EVA1A: variants seen among roughly 807,000 people sequenced by gnomAD.
EVA1A encodes protein eva-1 homolog A.
EVA1A carries 7 observed loss-of-function variants against 9.8 expected under a neutral mutation model. That is an observed-to-expected ratio of 0.71 (90% confidence interval 0.41 to 1.34). The LOEUF is 1.34. EVA1A is among the 40% of genes most tolerant of loss of function. EVA1A has a pLI of 0.01. For missense variants in EVA1A, 206 were observed against 205.9 expected (o/e 1.00, Z 0.00); for synonymous variants, 90 against 85.6 (o/e 1.05, Z -0.28).
At chr2:75,539,700 T>TA (rs1279471747) in intron 1 of EVA1A, among the ~76,000 whole-genome samples, 3 of 152,184 alleles carry the variant, frequency 2.0e-5, no homozygotes, top group Non-Finnish European at 2.9e-5. Flanking sequence ...CTTGCATACT[T>TA]ACTAAGGATC....
intron 3 of EVA1A, among the ~76,000 whole-genome samples, chr2:75,514,646 T>C (rs965345730): frequency 7.9e-5 from 12 of 152,140 alleles, no homozygotes; most frequent in Admixed American, 6.6e-4. Context: ...GATTATAATA[T>C]ATATGGTGTG....
chr2:75,541,767 C>T (rs1676133008), intron 1 of EVA1A: 1 of 152,548 alleles, frequency 6.6e-6, no homozygotes, highest in South Asian at 2.1e-4. Flanking sequence ...ATTCCAGTCA[C>T]ACAGGCTCAA....
intron 2 of EVA1A, among the ~76,000 whole-genome samples, chr2:75,520,369 G>A (rs1282506350): frequency 3.3e-5 from 5 of 152,004 alleles, no homozygotes; most frequent in African/African-American, 1.2e-4. Flanking sequence ...GGAATCTCAG[G>A]GGACCCCAAA....
At chr2:75,525,418 A>G (rs1675394322) in intron 1 of EVA1A, among the ~76,000 whole-genome samples, 1 of 152,150 alleles carries the variant, frequency 6.6e-6, no homozygotes, top group Admixed American at 6.5e-5. Context: ...TTGGCCTAAA[A>G]TATCTGGCTT....
chr2:75,544,292 G>A (rs1350801732), intron 1 of EVA1A, among the ~76,000 whole-genome samples: 1 of 152,146 alleles, frequency 6.6e-6, no homozygotes, highest in Non-Finnish European at 1.5e-5. Context: ...AGGGCTCAGG[G>A]ACTTCCCTGG....
At position 75,540,344 on chromosome 2, in the gene EVA1A, T is replaced by C. The variant is rs111682259; in HGVS notation, c.-191-17857A>G. On this transcript the variant is annotated intron_variant, in intron 1 of 3. Transcript: ENST00000393913. ...ATTTTCTCATCATTTCCTATCTGAA[T>C]AGACGGAAGCACAAGCTGGGGCTCA... Among the ~76,000 whole-genome samples, 393 of 152,362 alleles carry C rather than the reference T, an allele frequency of 2.6e-3. 2 individuals are homozygous for C. Among genetic ancestry groups the C allele is most frequent in the African/African-American group, 8.9e-3 (369 of 41,582 alleles).
intron 3 of EVA1A, among the ~76,000 whole-genome samples, chr2:75,496,594 T>C (rs1305892803): frequency 2.6e-5 from 4 of 152,146 alleles, no homozygotes; most frequent in African/African-American, 9.7e-5. Flanking sequence ...ATTGTTAAAA[T>C]GGCCATACTG....
chr2:75,498,440 A>G (rs922864686), intron 3 of EVA1A, among the ~76,000 whole-genome samples: 7 of 152,134 alleles, frequency 4.6e-5, no homozygotes, highest in Non-Finnish European at 8.8e-5. Context: ...CATGCAATTT[A>G]CCCATGTAAC....
At chr2:75,559,697 T>TGGGGGGGGGGGG (rs36059976) in intron 1 of EVA1A, among the ~76,000 whole-genome samples, 3 of 78,788 alleles carry the variant, frequency 3.8e-5, no homozygotes, top group African/African-American at 5.9e-5. Flanking sequence ...AGAAAGGAGG[T>TGGGGGGGGGGGG]GGGGGGGGGG....
intron 2 of EVA1A, among the ~76,000 whole-genome samples, chr2:75,520,137 G>A (rs1265734992): frequency 6.6e-6 from 1 of 152,026 alleles, no homozygotes; most frequent in African/African-American, 2.4e-5. Flanking sequence ...AGAATGCTTA[G>A]AGCTTCAACA....
rs7601154 is a variant in EVA1A, at chr2:75,552,854, T to A, written c.-192+7826A>T. 9.7e-3 allele frequency among the ~76,000 whole-genome samples: 1,476 copies of A among 152,280 alleles called. 21 individuals carry two copies. The highest frequency in any genetic ancestry group is 0.034 in the African/African-American group (1,398 of 41,550). ...TCTCAGGCTTTTTCATCCCCTAAAC[T>A]GCAATAACATGCTAACTGGTCTTTT... On this transcript the variant is annotated intron_variant, in intron 1 of 3. Coordinates refer to ENST00000393913, the MANE Select transcript of EVA1A (RefSeq NM_001135032.2).
At chr2:75,509,354 G>A (rs540242700) in intron 3 of EVA1A, among the ~76,000 whole-genome samples, 2 of 152,158 alleles carry the variant, frequency 1.3e-5, no homozygotes, top group South Asian at 2.1e-4. Context: ...AAAGATACCC[G>A]CTACTTAATT....
chr2:75,530,859 C>A (rs374472851), intron 1 of EVA1A, among the ~76,000 whole-genome samples: 6 of 152,124 alleles, frequency 3.9e-5, no homozygotes, highest in African/African-American at 1.4e-4. Flanking sequence ...AAAATGCCCA[C>A]TTTCACCACT....
chr2:75,563,960 G>A (rs1240629674), upstream of EVA1A, among the ~76,000 whole-genome samples: 1 of 152,200 alleles, frequency 6.6e-6, no homozygotes. Flanking sequence ...AGATGAGAGG[G>A]CCCATTGCTT....
At chr2:75,555,336 T>TCTCTCTCTCTCTCTCCCC (rs766586263) in intron 1 of EVA1A, among the ~76,000 whole-genome samples, 117 of 102,786 alleles carry the variant, frequency 1.1e-3, no homozygotes, top group Non-Finnish European at 1.7e-3. Context: ...TCTCTCTCTC[T>TCTCTCTCTCTCTCTCCCC]CCCCCATCTC....
At chr2:75,504,481 C>T (rs1157185544) in intron 3 of EVA1A, among the ~76,000 whole-genome samples, 1 of 152,176 alleles carries the variant, frequency 6.6e-6, no homozygotes, top group Non-Finnish European at 1.5e-5. Flanking sequence ...AAAGGGAAGA[C>T]CTCCACTAAC....
rs1204157819 is a variant in EVA1A, at chr2:75,522,430, T to C, written c.-134A>G. 1 of 152,188 alleles carries C rather than the reference T, an allele frequency of 6.6e-6. No homozygotes were observed. Among genetic ancestry groups the C allele is most frequent in the African/African-American group, 2.4e-5 (1 of 41,440 alleles). 9.4% of individuals were successfully genotyped at this position (152,188 alleles called of 1,614,324 possible). A position where few individuals can be genotyped will look rare whatever the true frequency, so the allele number is the denominator to read the frequency against. ...TAAGAACAGTTCATCTCTGATGATG[T>C]TGGCATCAGCCAGTAGAGGTTCTAA... On this transcript the variant is annotated 5_prime_UTR_variant, in exon 2 of 4. Coordinates refer to ENST00000393913, the MANE Select transcript of EVA1A (RefSeq NM_001135032.2).
intron 1 of EVA1A, among the ~76,000 whole-genome samples, chr2:75,532,159 C>CAAAAAA: frequency 1.7e-5 from 1 of 57,870 alleles, no homozygotes; most frequent in East Asian, 5.8e-4. Flanking sequence ...GACTCTGTCT[C>CAAAAAA]AAAAAAAAAA....
rs74725172 is a variant in EVA1A, at chr2:75,540,289, C to T, written c.-191-17802G>A. Among the ~76,000 whole-genome samples, 1,344 of 152,278 alleles carry T rather than the reference C, an allele frequency of 8.8e-3. 19 individuals carry two copies. The highest frequency in any genetic ancestry group is 0.03 in the African/African-American group (1,230 of 41,548). On this transcript the variant is annotated intron_variant, in intron 1 of 3. Transcript: ENST00000393913. ...AAATGGCAATTATTATTTTTCAGTG[C>T]CAATGTTGCATGATGACATTTAGAG...
Sources: allele counts gnomAD v4.1 joint callset (sites outside exome capture counted in the v4.1 genomes callset), GRCh38; gene constraint gnomAD v4.1.1; transcripts MANE v1.5; gene names NCBI Gene and HGNC (gene_info 2026-07-23, HGNC 2026-07-21).